Variants in FXYD2 observed in about 807,000 individuals in gnomAD.
FXYD2 encodes the protein FXYD domain containing ion transport regulator 2.
A neutral mutation model predicts 11.8 loss-of-function variants in FXYD2; 8 were observed. The ratio of observed to expected loss-of-function variants is 0.68; its 90% CI spans 0.40 to 1.22. The LOEUF (loss-of-function observed/expected upper bound fraction) is 1.22. Among genes scored for constraint, FXYD2 ranks in the 50% most tolerant of loss-of-function variants. The probability of loss-of-function intolerance (pLI) is 0.01; values close to 1 mark genes in which losing one functional copy is unlikely to be tolerated. For missense variants in FXYD2, 92 were observed against 91.8 expected, an observed-to-expected ratio of 1.00 and a Z score of -0.01; for synonymous variants, 42 against 33.3, an observed-to-expected ratio of 1.26 and a Z score of -0.90.
At chr11:117,823,722 G>A (rs760553618) in intron 1 of FXYD2, among the ~76,000 whole-genome samples, 5 of 152,238 alleles carry the variant, frequency 3.3e-5, no homozygotes, top group Admixed American at 6.5e-5. Context: ...CTTCTCGCAC[G>A]AGGGAAGTGG....
chr11:117,824,694 G>T lies in FXYD2; in HGVS notation c.-16C>A. ...ACCCAGTCATTTCCCCAGGTGAATGGGCTGCCTCCACTCCCCTCTTCCTGC... is the reference window on the plus strand; with the variant it reads ...ACCCAGTCATTTCCCCAGGTGAATGTGCTGCCTCCACTCCCCTCTTCCTGC... On this transcript the variant is annotated 5_prime_UTR_variant, in exon 1 of 6. Coordinates refer to ENST00000292079, the MANE Select transcript of FXYD2 (RefSeq NM_001680.5). The surrounding 1 kb of genome is among the most constrained non-coding windows in gnomAD (Gnocchi z 4.0). 2 of 1,613,864 alleles carry T rather than the reference G, an allele frequency of 1.2e-6. No individual in the cohort carries two copies. Among genetic ancestry groups the T allele is most frequent in the South Asian group, 2.2e-5 (2 of 91,000 alleles).
upstream of FXYD2, among the ~76,000 whole-genome samples, chr11:117,827,332 C>T (rs1033262058): frequency 6.6e-6 from 1 of 152,186 alleles, no homozygotes; most frequent in African/African-American, 2.4e-5. Context: ...TCACTGCAAC[C>T]TCCGCCTCCC....
intron 4 of FXYD2, 31 bp downstream of exon 4, chr11:117,820,828 C>T: frequency 6.2e-7 from 1 of 1,614,006 alleles, no homozygotes; most frequent in Non-Finnish European, 8.5e-7. Flanking sequence ...CAGCCCCAAC[C>T]CCCTCATCGG....
At chr11:117,823,852 G>A (rs1052478446) in intron 1 of FXYD2, among the ~76,000 whole-genome samples, 3 of 152,202 alleles carry the variant, frequency 2.0e-5, no homozygotes, top group Non-Finnish European at 1.5e-5. Context: ...CCAGTCCCTG[G>A]GCCAGGAAAG....
In FXYD2 at chr11:117,822,153, C is replaced by A; in HGVS notation, c.139+253G>T. 7.1e-7 allele frequency: 1 copy of A among 1,408,240 alleles called. No individual in the cohort carries two copies. The highest frequency in any genetic ancestry group is 9.3e-7 in the Non-Finnish European group (1 of 1,080,414). The allele number at this position is 1,408,240 out of a possible 1,614,324, so 87.2% of individuals were successfully genotyped here. A position where few individuals can be genotyped will look rare whatever the true frequency, so the allele number is the denominator to read the frequency against. ...CTGGCCCTCCGGTTACCCAGTTACC[C>A]CGTGGGTTTGCTCTCACTTCTGCGG... On this transcript the variant is annotated intron_variant, in intron 3 of 5. Coordinates refer to ENST00000292079, the MANE Select transcript of FXYD2 (RefSeq NM_001680.5). This position sits in a 1 kb window ranked among gnomAD's most constrained non-coding sequence, Gnocchi z 4.7.
intron 4 of FXYD2, 27 bp from the exon 5 acceptor site, chr11:117,820,723 TG>T: frequency 6.2e-7 from 1 of 1,613,566 alleles, no homozygotes; most frequent in Non-Finnish European, 8.5e-7. Flanking sequence ...AAGCAACAGG[TG>T]AGAGGGCAGG....
At position 117,822,660 on chromosome 11, in the gene FXYD2, C is replaced by G. The variant is rs201735486; in HGVS notation, c.64+19G>C. 2.7e-5 allele frequency: 43 copies of G among 1,607,488 alleles called. No homozygotes were observed. The highest frequency in any genetic ancestry group is 3.5e-5 in the Non-Finnish European group (41 of 1,177,950). Reference sequence around the variant, plus strand: ...GGGTCCTGAGGGCTCAGGAAGGGTGCGCAGGGGCCCAGGCTTACCATAGTA... The same window carrying G: ...GGGTCCTGAGGGCTCAGGAAGGGTGGGCAGGGGCCCAGGCTTACCATAGTA... On this transcript the variant is annotated intron_variant, in intron 2 of 5. Transcript: ENST00000292079. This position sits in a 1 kb window ranked among gnomAD's most constrained non-coding sequence, Gnocchi z 4.7.
chr11:117,825,475 AT>A (rs897053800), upstream of FXYD2, among the ~76,000 whole-genome samples: 1 of 152,106 alleles, frequency 6.6e-6, no homozygotes, highest in African/African-American at 2.4e-5. Context: ...CAAGACTTTC[AT>A]CGTGGGGAAA....
In FXYD2 at chr11:117,822,688, A is replaced by G. The variant is rs150608549; in HGVS notation, c.55T>C (p.Phe19Leu). 403 of 1,610,650 alleles carry G rather than the reference A, an allele frequency of 2.5e-4. 4 individuals carry two copies. The African/African-American group carries it at 3.1e-3, about 13-fold the overall frequency. ...GGSPKGDVDP[F>L]YYDYETVRNG... ...AGGGGCCCAGGCTTACCATAGTAGA[A>G]CGGGTCCACGTCCCCCTTGGGGCTG... is the stretch of plus-strand genomic sequence containing the variant. Residue 19 changes from phenylalanine to leucine, a missense_variant, in exon 2 of 6, where the codon TTC (phenylalanine) becomes CTC (leucine). Coordinates refer to ENST00000292079, the MANE Select transcript of FXYD2 (RefSeq NM_001680.5). This position sits in a 1 kb window ranked among gnomAD's most constrained non-coding sequence, Gnocchi z 4.7.
chr11:117,821,683 C>T, intron 3 of FXYD2: 4 of 961,858 alleles, frequency 4.2e-6, no homozygotes, highest in Non-Finnish European at 4.9e-6. Flanking sequence ...GTGGCCCGAG[C>T]CTTGGGGTGG....
At chr11:117,827,845 A>AG (rs2056076794), upstream of FXYD2, 1 of 709,030 alleles carries the variant, frequency 1.4e-6, no homozygotes, top group Non-Finnish European at 2.6e-6. Context: ...GTGACTCCGT[A>AG]TGGAGATGCT....
Position 117,822,373 on chromosome 11 carries a change from C to T in FXYD2, c.139+33G>A. 6.4e-7 allele frequency: 1 copy of T among 1,551,454 alleles called. No homozygotes were observed. The highest frequency in any genetic ancestry group is 1.8e-4 in the Middle Eastern group (1 of 5,408). On this transcript the variant is annotated intron_variant, in intron 3 of 5. Coordinates refer to ENST00000292079, the MANE Select transcript of FXYD2 (RefSeq NM_001680.5). The surrounding 1 kb of genome is among the most constrained non-coding windows in gnomAD (Gnocchi z 4.7). ...GCCTTGAGAAGAGAGGTGCCCTGGT[C>T]AGCACCCCTTCCCTGGAGGCCACCC...
upstream of FXYD2, among the ~76,000 whole-genome samples, chr11:117,827,198 G>A (rs1591539205): frequency 5.3e-5 from 8 of 152,136 alleles, no homozygotes; most frequent in Admixed American, 5.2e-4. Flanking sequence ...GCTAGTTGAT[G>A]GCTACATTTT....
chr11:117,821,770 A>C, intron 3 of FXYD2: 21 of 988,882 alleles, frequency 2.1e-5, no homozygotes, highest in Non-Finnish European at 2.5e-5. Flanking sequence ...CTGTGGCCCG[A>C]GCCTTGGGGT....
chr11:117,822,381 C>T lies in FXYD2; in HGVS notation c.139+25G>A. 6.4e-7 allele frequency: 1 copy of T among 1,552,370 alleles called. No individual in the cohort carries two copies. Among genetic ancestry groups the T allele is most frequent in the Non-Finnish European group, 8.7e-7 (1 of 1,147,460 alleles). On this transcript the variant is annotated intron_variant, in intron 3 of 5. Transcript: ENST00000292079. This position sits in a 1 kb window ranked among gnomAD's most constrained non-coding sequence, Gnocchi z 4.7. The stretch of plus-strand genomic sequence containing the variant: ...AAGAGAGGTGCCCTGGTCAGCACCC[C>T]TTCCCTGGAGGCCACCCCACTTACT...
At chr11:117,827,992 C>T, upstream of FXYD2, 4 of 1,542,754 alleles carry the variant, frequency 2.6e-6, no homozygotes, top group Admixed American at 2.0e-5. Context: ...TCAGAGGACT[C>T]ACCCAGGTAC....
At chr11:117,821,340 C>T in intron 3 of FXYD2, 1 of 989,568 alleles carries the variant, frequency 1.0e-6, no homozygotes, top group Non-Finnish European at 1.2e-6. Flanking sequence ...GCATTACAGG[C>T]ATGAGCCACC....
rs112253610 is a variant in FXYD2, at chr11:117,821,772, C to T, written c.139+634G>A. On this transcript the variant is annotated intron_variant, in intron 3 of 5. Transcript: ENST00000292079. ...GAGACCCGCAGGACTGTGGCCCGAG[C>T]CTTGGGGTGGGGTGGCAGTGGCACA... 6.3e-4 allele frequency: 624 copies of T among 988,998 alleles called. 2 individuals are homozygous for T. In the Middle Eastern group the frequency reaches 0.012, roughly 19 times the overall value. The allele number at this position is 988,998 out of a possible 1,614,324, so 61.3% of individuals were successfully genotyped here.
upstream of FXYD2, chr11:117,824,861 C>T (rs754448263): frequency 1.3e-6 from 1 of 765,158 alleles, no homozygotes; most frequent in Non-Finnish European, 2.2e-6. This position sits in a 1 kb window ranked among gnomAD's most constrained non-coding sequence, Gnocchi z 4.0. Context: ...GCTCCTTCTG[C>T]AGGGTGAGGA....
Sources: allele counts gnomAD v4.1 joint callset (sites outside exome capture counted in the v4.1 genomes callset), GRCh38; gene constraint gnomAD v4.1.1; non-coding constraint Gnocchi (gnomAD v3.1); transcripts MANE v1.5; gene names NCBI Gene and HGNC (gene_info 2026-07-23, HGNC 2026-07-21).